ABR: variants seen among roughly 807,000 people sequenced by gnomAD.
ABR encodes ABR activator of RhoGEF and GTPase.
A neutral mutation model predicts 107.2 loss-of-function variants in ABR; 35 were observed. The ratio of observed to expected loss-of-function variants is 0.33; its 90% CI spans 0.25 to 0.43. The LOEUF (loss-of-function observed/expected upper bound fraction) is 0.43. ABR is among the 20% of genes least tolerant of loss of function. The pLI is 1.00. For missense variants in ABR, 815 were observed against 1,115.2 expected, an observed-to-expected ratio of 0.73 and a Z score of 3.83; for synonymous variants, 498 against 462.0, an observed-to-expected ratio of 1.08 and a Z score of -1.00.
chr17:1,046,543 G>A (rs751915), intron 16 of ABR, among the ~76,000 whole-genome samples: 55,256 of 152,056 alleles, frequency 0.36, 10,556 homozygotes, highest in East Asian at 0.64. Context: ...TTTCCCGCAC[G>A]TGCTCCTCTC....
At chr17:1,056,938 C>G in intron 13 of ABR, 60 bp downstream of exon 13, 1 of 1,195,288 alleles carries the variant, frequency 8.4e-7, no homozygotes, top group South Asian at 1.2e-5. Flanking sequence ...TTACGGGAAG[C>G]CGGCCACGCT....
At chr17:1,208,633 T>C (rs150341140) in intron 1 of ABR, among the ~76,000 whole-genome samples, 2 of 152,106 alleles carry the variant, frequency 1.3e-5, no homozygotes, top group African/African-American at 4.8e-5. Flanking sequence ...TCACGCCTCT[T>C]ATCCCAGCAC....
rs1016316652 is a variant in ABR at position 1,108,426 on chromosome 17, G to A, written c.247-7691C>T. On this transcript the variant is annotated intron_variant, in intron 2 of 22. Coordinates refer to ENST00000302538, the MANE Select transcript of ABR (RefSeq NM_021962.5). The stretch of plus-strand genomic sequence containing the variant: ...CTGTCCCGCCTCGGGAAGGGCACCT[G>A]CCCACCTGGCTGCAGCCTCCAAGCC... 3.3e-5 allele frequency among the ~76,000 whole-genome samples: 5 copies of A among 152,234 alleles called. No individual in the cohort carries two copies. The South Asian group carries it at 1.0e-3, about 32-fold the overall frequency.
At chr17:1,192,877 C>A (rs1006538670) in intron 1 of ABR, among the ~76,000 whole-genome samples, 1 of 152,036 alleles carries the variant, frequency 6.6e-6, no homozygotes, top group South Asian at 2.1e-4. Flanking sequence ...GGTGAAACCC[C>A]CTCTCTACTA....
intron 16 of ABR, among the ~76,000 whole-genome samples, chr17:1,022,207 T>A (rs2071744338): frequency 6.6e-6 from 1 of 151,772 alleles, no homozygotes; most frequent in African/African-American, 2.4e-5. Flanking sequence ...TGTGGGCACA[T>A]TTCACGCCTG....
chr17:1,113,600 T>C (rs762904369), intron 2 of ABR, among the ~76,000 whole-genome samples: 2 of 152,162 alleles, frequency 1.3e-5, no homozygotes, highest in Non-Finnish European at 2.9e-5. Context: ...TGCTTATTTT[T>C]AGATTCGACT....
At chr17:1,077,160 C>G (rs2035804972) in intron 6 of ABR, among the ~76,000 whole-genome samples, 1 of 152,182 alleles carries the variant, frequency 6.6e-6, no homozygotes, top group Non-Finnish European at 1.5e-5. Context: ...TTGCTTTGAG[C>G]TGCACCTTCT....
intron 2 of ABR, chr17:1,101,078 C>T (rs2151340873): frequency 3.5e-6 from 1 of 287,220 alleles, no homozygotes; most frequent in Admixed American, 4.3e-5. Flanking sequence ...CCCACCTCAG[C>T]CTCCCAAAGT....
chr17:1,178,542 C>A (rs1426338969), intron 1 of ABR, among the ~76,000 whole-genome samples: 2 of 146,330 alleles, frequency 1.4e-5, no homozygotes, highest in Non-Finnish European at 3.0e-5. Context: ...CCAGCCTGGG[C>A]GACAGAGCCG....
chr17:1,050,542 C>G lies in ABR; in HGVS notation c.1654G>C (p.Asp552His). 1 of 1,613,932 alleles carries G rather than the reference C, an allele frequency of 6.2e-7. No individual in the cohort carries two copies. The highest frequency in any genetic ancestry group is 8.5e-7 in the Non-Finnish European group (1 of 1,179,888). Residue 552 changes from aspartate to histidine, a missense_variant, in exon 15 of 23, where the codon GAT becomes CAT. Asp to His is a moderately conservative substitution (Grantham distance 81). Coordinates refer to ENST00000302538, the MANE Select transcript of ABR (RefSeq NM_021962.5). The surrounding 1 kb of genome is among the most constrained non-coding windows in gnomAD (Gnocchi z 4.6). ...TGCCAGCCCCTGCCACTCACCTCAT[C>G]CCACTTGGGCTCCGCTGTGTCCCGG... ...VFRDTAEPKW[D>H]EEFEIELEGS...
chr17:1,156,792 T>C (rs1010316890), intron 1 of ABR, among the ~76,000 whole-genome samples: 2 of 152,216 alleles, frequency 1.3e-5, no homozygotes, highest in African/African-American at 2.4e-5. Context: ...AGGAGTAAAC[T>C]GAGGCACAGG....
At chr17:1,098,943 G>A (rs1302669643) in intron 3 of ABR, among the ~76,000 whole-genome samples, 16 of 151,992 alleles carry the variant, frequency 1.1e-4, no homozygotes, top group African/African-American at 3.1e-4. Flanking sequence ...CCGCCACCAC[G>A]CCCAGCTAAT....
At chr17:1,137,509 G>C (rs1271153183) in intron 1 of ABR, among the ~76,000 whole-genome samples, 2 of 152,196 alleles carry the variant, frequency 1.3e-5, no homozygotes, top group Admixed American at 6.5e-5. Flanking sequence ...GGAACAGCCA[G>C]AACACACAAC....
intron 16 of ABR, among the ~76,000 whole-genome samples, chr17:1,018,563 T>C (rs973012608): frequency 5.3e-5 from 8 of 152,078 alleles, no homozygotes; most frequent in African/African-American, 1.9e-4. Flanking sequence ...GCTGAGCCAA[T>C]GGTCCCTTCC....
chr17:1,060,669 G>GA (rs1485886270), intron 10 of ABR, among the ~76,000 whole-genome samples: 1 of 151,986 alleles, frequency 6.6e-6, no homozygotes, highest in Non-Finnish European at 1.5e-5. Flanking sequence ...TTGGGGATTA[G>GA]AAAAAACATG....
intron 18 of ABR, 43 bp downstream of exon 18, chr17:1,012,645 G>A (rs145881521): frequency 0.034 from 49,424 of 1,471,876 alleles, 998 homozygotes; most frequent in Non-Finnish European, 0.04. Flanking sequence ...GGGGGGACCC[G>A]GGGCACCGAC....
At chr17:1,201,619 G>A (rs1037168687) in intron 1 of ABR, among the ~76,000 whole-genome samples, 2 of 152,132 alleles carry the variant, frequency 1.3e-5, no homozygotes, top group African/African-American at 2.4e-5. Context: ...AAAACCACAC[G>A]CTTTGTTTTC....
intron 1 of ABR, among the ~76,000 whole-genome samples, chr17:1,204,418 A>C (rs2042748983): frequency 6.6e-6 from 1 of 152,220 alleles, no homozygotes; most frequent in Non-Finnish European, 1.5e-5. Context: ...GCGCTCCAGC[A>C]TGGGCGACAC....
At chr17:1,224,878 G>A (rs1029446017) in intron 1 of ABR, among the ~76,000 whole-genome samples, 7 of 151,930 alleles carry the variant, frequency 4.6e-5, no homozygotes, top group South Asian at 2.1e-4. Flanking sequence ...CACCGGGTGC[G>A]GTGGCTCACG....
Sources: gnomAD v4.1 joint callset for allele counts (sites outside exome capture counted in the v4.1 genomes callset) on GRCh38, gnomAD v4.1.1 for gene constraint, Gnocchi (gnomAD v3.1) non-coding constraint, MANE v1.5 for transcripts, NCBI Gene and HGNC (gene_info 2026-07-23, HGNC 2026-07-21) for gene names.